The following TUBD1 variants were observed in gnomAD, a reference collection of about 807,000 sequenced individuals.
TUBD1 encodes tubulin delta 1.
In TUBD1, 38 loss-of-function variants were observed where a neutral mutation model predicts 51.2. The observed-to-expected ratio is 0.74, with a 90% CI of 0.57 to 0.97. The LOEUF is 0.97. Among genes scored for constraint, TUBD1 ranks in the 50% least tolerant of loss-of-function variants. TUBD1 has a pLI of 0.00. For synonymous variants in TUBD1, 169 were observed against 178.2 expected, an observed-to-expected ratio of 0.95 and a Z score of 0.41; for missense variants, 489 against 538.4, an observed-to-expected ratio of 0.91 and a Z score of 0.91.
intron 6 of TUBD1, among the ~76,000 whole-genome samples, chr17:59,871,259 G>A (rs1247519488): frequency 6.6e-6 from 1 of 152,126 alleles, no homozygotes; most frequent in South Asian, 2.1e-4. Context: ...GCAGTGACAC[G>A]ATCTCAGCTC....
chr17:59,860,118 T>C lies in TUBD1; in HGVS notation c.*204A>G, dbSNP rs539424000. On this transcript the variant is annotated 3_prime_UTR_variant, in exon 9 of 9. Coordinates refer to ENST00000325752, the MANE Select transcript of TUBD1 (RefSeq NM_016261.4). ...GCAAGCTCCGCCTCCTGGGTTCACG[T>C]CATTCTCCTGCCTCAGCCTCCCGAG... The C allele has an allele frequency of 6.8e-5, 24 of 354,676 alleles. No homozygotes were observed. The highest frequency in any genetic ancestry group is 2.8e-4 in the Admixed American group (6 of 21,346). 22.0% of individuals were successfully genotyped at this position (354,676 alleles called of 1,614,324 possible).
rs947375790 is a variant in TUBD1, at chr17:59,874,017, G to A, written c.934+522C>T. 3.9e-4 allele frequency among the ~76,000 whole-genome samples: 59 copies of A among 151,556 alleles called. 2 individuals carry two copies. Among genetic ancestry groups the A allele is most frequent in the African/African-American group, 4.8e-5 (2 of 41,280 alleles). On this transcript the variant is annotated intron_variant, in intron 6 of 8. Coordinates refer to ENST00000325752, the MANE Select transcript of TUBD1 (RefSeq NM_016261.4). Reference sequence around the variant, plus strand: ...ATCCTGGCTAACACGGTGAAACCCCGTCTCTACTAAAAATACAAAAAATTA... The same window carrying A: ...ATCCTGGCTAACACGGTGAAACCCCATCTCTACTAAAAATACAAAAAATTA...
intron 5 of TUBD1, among the ~76,000 whole-genome samples, chr17:59,877,011 C>G (rs1412755609): frequency 1.3e-5 from 2 of 152,030 alleles, no homozygotes; most frequent in Non-Finnish European, 2.9e-5. Flanking sequence ...AGGTACCCAC[C>G]ACCATGCCTG....
chr17:59,885,633 T>C, intron 3 of TUBD1: 2 of 762,682 alleles, frequency 2.6e-6, no homozygotes, highest in Non-Finnish European at 4.4e-6. Flanking sequence ...AAATCCCTAA[T>C]AAAACTCAGT....
At chr17:59,886,687 T>C (rs927031351) in intron 2 of TUBD1, 1 of 149,928 alleles carries the variant, frequency 6.7e-6, no homozygotes, top group Admixed American at 6.7e-5. Context: ...AAACATATGC[T>C]GAATGCTTAT....
At chr17:59,874,489 C>A (rs755589494) in intron 6 of TUBD1, 50 bp downstream of exon 6, 1 of 1,581,174 alleles carries the variant, frequency 6.3e-7, no homozygotes, top group South Asian at 1.2e-5. Context: ...GACTCCAGGA[C>A]AGACATTTTT....
At chr17:59,862,789 A>T in intron 8 of TUBD1, among the ~76,000 whole-genome samples, 1 of 126,212 alleles carries the variant, frequency 7.9e-6, no homozygotes, top group Admixed American at 1.0e-4. Flanking sequence ...CAGTGGCGCG[A>T]TCTCGGCTCA....
intron 2 of TUBD1, among the ~76,000 whole-genome samples, chr17:59,888,680 G>C (rs890773368): frequency 6.6e-6 from 1 of 152,090 alleles, no homozygotes; most frequent in Non-Finnish European, 1.5e-5. Flanking sequence ...GAGAAGAAAA[G>C]TGGGGTGACT....
chr17:59,886,429 C>T, intron 2 of TUBD1, 199 bp from the exon 3 acceptor site: 1 of 549,694 alleles, frequency 1.8e-6, no homozygotes, highest in East Asian at 3.2e-5. Context: ...CCAAGCCCAG[C>T]ATTTGCTAAG....
At position 59,885,533 on chromosome 17, in the gene TUBD1, C is replaced by T; in HGVS notation, c.320+550G>A. 4 of 1,523,910 alleles carry T rather than the reference C, an allele frequency of 2.6e-6. No individual in the cohort carries two copies. The South Asian group carries it at 3.4e-5, about 13-fold the overall frequency. The allele number at this position is 1,523,910 out of a possible 1,614,324, so 94.4% of individuals were successfully genotyped here. A position where few individuals can be genotyped will look rare whatever the true frequency, so the allele number is the denominator to read the frequency against. ...GGTGATCCCTCCAAAGAACCTGAGT[C>T]GGTGGTTCACTACTAGATCTGAGGA... On this transcript the variant is annotated intron_variant, in intron 3 of 8. Coordinates refer to ENST00000325752, the MANE Select transcript of TUBD1 (RefSeq NM_016261.4).
At chr17:59,885,989 G>A (rs201137399) in intron 3 of TUBD1, 94 bp downstream of exon 3, 1 of 1,331,536 alleles carries the variant, frequency 7.5e-7, no homozygotes, top group South Asian at 1.4e-5. Flanking sequence ...AAGATTATGT[G>A]CTTGGTATAT....
rs1234712168 is a variant in TUBD1 at position 59,866,456 on chromosome 17, TACTA to T, written c.1075+149_1075+152del. The T allele has an allele frequency of 1.6e-5, 13 of 818,022 alleles. No homozygotes were observed. The African/African-American group carries it at 1.7e-4, about 11-fold the overall frequency. The allele number at this position is 818,022 out of a possible 1,614,324, so 50.7% of individuals were successfully genotyped here. A position where few individuals can be genotyped will look rare whatever the true frequency, so the allele number is the denominator to read the frequency against. ...ACTTCTATATTGGTGTCTAGTCACATACTAACTGATGCCATGGTCAAATTTTGCC... is the reference window on the plus strand; with the variant it reads ...ACTTCTATATTGGTGTCTAGTCACATACTGATGCCATGGTCAAATTTTGCC... On this transcript the variant is annotated intron_variant, in intron 7 of 8. Coordinates refer to ENST00000325752, the MANE Select transcript of TUBD1 (RefSeq NM_016261.4).
At chr17:59,873,737 C>T (rs757913186) in intron 6 of TUBD1, among the ~76,000 whole-genome samples, 2 of 152,148 alleles carry the variant, frequency 1.3e-5, no homozygotes, top group East Asian at 1.9e-4. Context: ...TGGTAGCACA[C>T]GCCTGTAATC....
At chr17:59,878,544 G>A (rs2040333520) in intron 4 of TUBD1, 1 of 492,788 alleles carries the variant, frequency 2.0e-6, no homozygotes, top group Admixed American at 3.6e-5. Flanking sequence ...GAGTACAGTG[G>A]CACCATCTCT....
chr17:59,866,483 G>T, intron 7 of TUBD1, 126 bp downstream of exon 7: 2 of 1,179,088 alleles, frequency 1.7e-6, no homozygotes, highest in Non-Finnish European at 2.4e-6. Flanking sequence ...GTCAAATTTT[G>T]CCACTAAAAC....
intron 4 of TUBD1, among the ~76,000 whole-genome samples, chr17:59,880,444 A>G (rs1399466244): frequency 1.3e-5 from 2 of 152,170 alleles, no homozygotes; most frequent in Admixed American, 1.3e-4. Flanking sequence ...TATGGTACTC[A>G]TATTAAATAA....
intron 6 of TUBD1, among the ~76,000 whole-genome samples, chr17:59,868,656 G>C (rs1470971674): frequency 1.3e-5 from 2 of 152,144 alleles, no homozygotes; most frequent in African/African-American, 4.8e-5. Flanking sequence ...GGCCAACATG[G>C]TGAAACCCCA....
At chr17:59,885,558 A>C in intron 3 of TUBD1, 1 of 1,435,684 alleles carries the variant, frequency 7.0e-7, no homozygotes, top group Non-Finnish European at 9.8e-7. Context: ...AGATCTGAGG[A>C]GGCTTCGTGG....
chr17:59,890,501 C>CAT (rs1319495930), intron 2 of TUBD1, among the ~76,000 whole-genome samples: 1 of 152,180 alleles, frequency 6.6e-6, no homozygotes, highest in African/African-American at 2.4e-5. Flanking sequence ...CTCGGCCTCT[C>CAT]AAAGTGCTGG....
Sources: allele counts gnomAD v4.1 joint callset (sites outside exome capture counted in the v4.1 genomes callset), GRCh38; gene constraint gnomAD v4.1.1; transcripts MANE v1.5; gene names NCBI Gene and HGNC (gene_info 2026-07-23, HGNC 2026-07-21).